GLDC: variants seen among roughly 807,000 people sequenced by gnomAD.
The protein encoded by GLDC is glycine decarboxylase.
GLDC carries 104 observed loss-of-function variants against 121.3 expected under a neutral mutation model. The ratio of observed to expected loss-of-function variants is 0.86; its 90% CI spans 0.73 to 1.01. The LOEUF is 1.01. Ranked by LOEUF, GLDC falls within the 50% of genes least tolerant of loss-of-function variation. The pLI is 0.00. For synonymous variants in GLDC, 546 were observed against 480.6 expected (o/e 1.14, Z -1.78); for missense variants, 1,429 against 1,306.6 (o/e 1.09, Z -1.44).
At chr9:6,638,271 G>A (rs1047636226) in intron 2 of GLDC, among the ~76,000 whole-genome samples, 14 of 151,600 alleles carry the variant, frequency 9.2e-5, no homozygotes, top group African/African-American at 3.2e-4. Context: ...GTGCAATGGC[G>A]CGACTTAGCT....
intron 15 of GLDC, chr9:6,568,947 A>C (rs1026832972): frequency 5.9e-5 from 9 of 152,246 alleles, no homozygotes; most frequent in Non-Finnish European, 1.3e-4. Context: ...GGGGAAATTG[A>C]GCAGACAACT....
At chr9:6,576,002 G>C (rs948856952) in intron 15 of GLDC, among the ~76,000 whole-genome samples, 1 of 152,204 alleles carries the variant, frequency 6.6e-6, no homozygotes. Context: ...AGAAAATAGG[G>C]ATAAGCTTCT....
intron 13 of GLDC, 76 bp from the exon 14 acceptor site, chr9:6,588,518 C>A: frequency 1.4e-6 from 2 of 1,427,700 alleles, no homozygotes; most frequent in Non-Finnish European, 2.0e-6. Flanking sequence ...ATTCTCCCAG[C>A]ATGGCCACCC....
chr9:6,606,251 G>C (rs1008803251), intron 5 of GLDC: 1 of 306,140 alleles, frequency 3.3e-6, no homozygotes, highest in Non-Finnish European at 6.1e-6. Flanking sequence ...GGAGCTTGCA[G>C]TGAGCCTAGG....
rs771628827 is a variant in GLDC, at chr9:6,644,757, C to G, written c.256-65G>C. The G allele has an allele frequency of 3.6e-6, 4 of 1,109,660 alleles. No homozygotes were observed. In the African/African-American group the frequency reaches 6.1e-5, roughly 17 times the overall value. The allele number at this position is 1,109,660 out of a possible 1,614,324, so 68.7% of individuals were successfully genotyped here. On this transcript the variant is annotated intron_variant, in intron 1 of 24. Transcript: ENST00000321612. ...TTAAAAGAGTCACCTCTGTGTTTTG[C>G]GACTACAAAGCCTTGTGGGAACCTC...
chr9:6,629,394 T>C (rs1364964413), intron 2 of GLDC, among the ~76,000 whole-genome samples: 1 of 152,050 alleles, frequency 6.6e-6, no homozygotes, highest in Admixed American at 6.6e-5. Flanking sequence ...TTTGTATTTT[T>C]GGTGGAGACA....
At chr9:6,534,366 C>G (rs1328441921) in intron 24 of GLDC, among the ~76,000 whole-genome samples, 1 of 149,756 alleles carries the variant, frequency 6.7e-6, no homozygotes, top group Non-Finnish European at 1.5e-5. Context: ...ACAGACTACA[C>G]AGAACCTTCT....
intron 20 of GLDC, among the ~76,000 whole-genome samples, chr9:6,552,325 C>A (rs1190226939): frequency 5.3e-5 from 8 of 152,168 alleles, no homozygotes; most frequent in East Asian, 1.9e-4. Flanking sequence ...TGTGGGAAGT[C>A]ATCTCCAACC....
chr9:6,607,981 G>C (rs1818769862), intron 4 of GLDC, among the ~76,000 whole-genome samples: 1 of 151,892 alleles, frequency 6.6e-6, no homozygotes, highest in Admixed American at 6.6e-5. Context: ...AAATTAGCTG[G>C]GCATGGTGGC....
At chr9:6,592,616 AT>A (rs750283681) in intron 10 of GLDC, among the ~76,000 whole-genome samples, 1 of 152,236 alleles carries the variant, frequency 6.6e-6, no homozygotes, top group Non-Finnish European at 1.5e-5. Context: ...TGAACAAAAT[AT>A]GTGCATTTCA....
At chr9:6,622,821 C>A (rs1265642353) in intron 2 of GLDC, 106 of 225,426 alleles carry the variant, frequency 4.7e-4, no homozygotes, top group South Asian at 3.1e-3. Context: ...GGCCGCCATC[C>A]CATCTAGGAA....
chr9:6,546,551 C>T (rs921642103), intron 21 of GLDC, among the ~76,000 whole-genome samples: 14 of 152,118 alleles, frequency 9.2e-5, no homozygotes, highest in Middle Eastern at 3.4e-3. Context: ...GTAACACACA[C>T]GGAGCTGCTA....
chr9:6,589,672 C>T (rs1209670492), intron 11 of GLDC, among the ~76,000 whole-genome samples: 1 of 152,130 alleles, frequency 6.6e-6, no homozygotes, highest in Non-Finnish European at 1.5e-5. Flanking sequence ...AGCAATCTGC[C>T]TGCCTTGGCT....
intron 15 of GLDC, among the ~76,000 whole-genome samples, chr9:6,578,141 G>A (rs1818109565): frequency 6.7e-6 from 1 of 149,412 alleles, no homozygotes; most frequent in African/African-American, 2.5e-5. Context: ...TTTTTTTTTC[G>A]AGACAGGATC....
intron 11 of GLDC, among the ~76,000 whole-genome samples, chr9:6,590,082 A>G (rs918008697): frequency 4.6e-5 from 7 of 152,046 alleles, no homozygotes; most frequent in Non-Finnish European, 1.0e-4. Context: ...TATAGGGGCT[A>G]ATCTGCATAA....
intron 4 of GLDC, among the ~76,000 whole-genome samples, chr9:6,609,132 A>G (rs1418941733): frequency 6.6e-6 from 1 of 152,208 alleles, no homozygotes; most frequent in African/African-American, 2.4e-5. Context: ...GGCCATCTAC[A>G]TGAGAATTCC....
chr9:6,565,323 G>A (rs1417793289), intron 16 of GLDC, 31 bp downstream of exon 16: 1 of 1,522,776 alleles, frequency 6.6e-7, no homozygotes, highest in Non-Finnish European at 9.1e-7. Context: ...GTGCCCCATG[G>A]TGAGCAAGCG....
At chr9:6,575,825 T>C (rs550448476) in intron 15 of GLDC, among the ~76,000 whole-genome samples, 27 of 152,218 alleles carry the variant, frequency 1.8e-4, no homozygotes, top group African/African-American at 4.8e-4. Flanking sequence ...AATGTACTTA[T>C]GAGCTGCTGA....
chr9:6,546,431 C>T (rs891844335), intron 21 of GLDC, among the ~76,000 whole-genome samples: 1 of 149,278 alleles, frequency 6.7e-6, no homozygotes, highest in East Asian at 2.0e-4. Context: ...GACTCCTGGG[C>T]TCAAGCAACC....
Sources: gnomAD v4.1 joint callset for allele counts (sites outside exome capture counted in the v4.1 genomes callset) on GRCh38, gnomAD v4.1.1 for gene constraint, MANE v1.5 for transcripts, NCBI Gene and HGNC (gene_info 2026-07-23, HGNC 2026-07-21) for gene names.